Variants in ANO10 observed in about 807,000 individuals in gnomAD.
ANO10 encodes anoctamin 10, also known as anoctamin-10.
Under a neutral mutation model 74.7 loss-of-function variants are expected in ANO10, and 77 were observed. That is an observed-to-expected ratio of 1.03 (90% CI 0.86 to 1.25). The LOEUF is 1.25. ANO10 is among the 50% of genes most tolerant of loss of function. The pLI is 0.00. For synonymous variants in ANO10, 279 were observed against 284.9 expected, an observed-to-expected ratio of 0.98 and a Z score of 0.21; for missense variants, 721 against 778.1, an observed-to-expected ratio of 0.93 and a Z score of 0.87.
At chr3:43,548,278 G>A (rs2079292526) in intron 11 of ANO10, among the ~76,000 whole-genome samples, 1 of 152,122 alleles carries the variant, frequency 6.6e-6, no homozygotes, top group Non-Finnish European at 1.5e-5. Context: ...TCTAAATCAA[G>A]AAAGCACACT....
chr3:43,605,925 A>G, intron 1 of ANO10, 62 bp from the exon 2 acceptor site: 1 of 1,560,840 alleles, frequency 6.4e-7, no homozygotes, highest in Non-Finnish European at 8.7e-7. Flanking sequence ...GAAATATGCT[A>G]TAGACTTCAT....
intron 12 of ANO10, among the ~76,000 whole-genome samples, chr3:43,396,637 C>A (rs992682300): frequency 6.6e-6 from 1 of 151,770 alleles, no homozygotes; most frequent in East Asian, 1.9e-4. Flanking sequence ...GCACCCGGCC[C>A]ATGTTTGATA....
At position 43,497,937 on chromosome 3, in the gene ANO10, C is replaced by T. The variant is rs577858177; in HGVS notation, c.1797+51783G>A. 2.3e-4 allele frequency among the ~76,000 whole-genome samples: 35 copies of T among 152,220 alleles called. No individual in the cohort carries two copies. The South Asian group carries it at 6.6e-3, about 29-fold the overall frequency. ...GGACTTAAAAGACCTGAGAGTGGAACTCATGCATGTATCTTAATGGTGATG... is the reference window on the plus strand; with the variant it reads ...GGACTTAAAAGACCTGAGAGTGGAATTCATGCATGTATCTTAATGGTGATG... On this transcript the variant is annotated intron_variant, in intron 11 of 12. Transcript: ENST00000292246.
intron 11 of ANO10, among the ~76,000 whole-genome samples, chr3:43,537,611 CCACA>C (rs3223349): frequency 0.049 from 6,863 of 139,930 alleles, 192 homozygotes; most frequent in African/African-American, 0.086. Context: ...ACTTTATAAA[CCACA>C]CACACACACA....
chr3:43,594,591 C>A (rs1448408806), intron 4 of ANO10, among the ~76,000 whole-genome samples: 1 of 152,162 alleles, frequency 6.6e-6, no homozygotes, highest in Non-Finnish European at 1.5e-5. Context: ...ATACCAGAAT[C>A]TCTGGGACAC....
At chr3:43,587,135 G>C (rs1446280241) in intron 4 of ANO10, among the ~76,000 whole-genome samples, 1 of 152,036 alleles carries the variant, frequency 6.6e-6, no homozygotes, top group Non-Finnish European at 1.5e-5. Flanking sequence ...ATAACGTCAA[G>C]ACATATGCAG....
At chr3:43,684,416 A>C (rs941159942) in intron 1 of ANO10, among the ~76,000 whole-genome samples, 14 of 152,238 alleles carry the variant, frequency 9.2e-5, no homozygotes, top group African/African-American at 3.1e-4. Context: ...GCAATCATTA[A>C]AAAGTCAGGA....
intron 11 of ANO10, among the ~76,000 whole-genome samples, chr3:43,501,564 T>C (rs969621879): frequency 9.2e-5 from 14 of 151,412 alleles, no homozygotes; most frequent in African/African-American, 3.4e-4. Context: ...AGCTTCTTAG[T>C]AGAGAGGCAG....
chr3:43,665,526 T>A (rs182641627), intron 1 of ANO10, among the ~76,000 whole-genome samples: 14 of 152,004 alleles, frequency 9.2e-5, no homozygotes, highest in Admixed American at 5.2e-4. Flanking sequence ...ATATATAATT[T>A]AAAAAAAAGA....
intron 11 of ANO10, among the ~76,000 whole-genome samples, chr3:43,517,043 A>G (rs906532307): frequency 3.3e-5 from 5 of 152,182 alleles, no homozygotes; most frequent in Admixed American, 6.5e-5. Flanking sequence ...GAGCTATGCT[A>G]TAAGAACAGC....
chr3:43,369,335 G>A (rs1176781899), intron 12 of ANO10, among the ~76,000 whole-genome samples: 2 of 152,258 alleles, frequency 1.3e-5, no homozygotes, highest in Non-Finnish European at 2.9e-5. Context: ...TGTCCACGAG[G>A]TCACAAGGTC....
At chr3:43,613,571 T>G (rs970545713) in intron 1 of ANO10, among the ~76,000 whole-genome samples, 1 of 152,210 alleles carries the variant, frequency 6.6e-6, no homozygotes, top group African/African-American at 2.4e-5. Context: ...CAGAGGATTT[T>G]GTGTCAGAGT....
At chr3:43,484,991 C>G (rs1018393423) in intron 11 of ANO10, 2 of 1,443,920 alleles carry the variant, frequency 1.4e-6, no homozygotes, top group African/African-American at 2.8e-5. Flanking sequence ...GGTGTTGGGC[C>G]TCTTGGTGGT....
At chr3:43,393,787 C>A (rs2092323750) in intron 12 of ANO10, among the ~76,000 whole-genome samples, 1 of 152,088 alleles carries the variant, frequency 6.6e-6, no homozygotes, top group Non-Finnish European at 1.5e-5. Flanking sequence ...CTCCTGTTAC[C>A]TACACCATGA....
In ANO10 at chr3:43,611,855, T is replaced by C. The variant is rs574265308; in HGVS notation, c.-11-5992A>G. On this transcript the variant is annotated intron_variant, in intron 1 of 12. Transcript: ENST00000292246. ...GATAGTAAAATAAGTAGCCATAGGGTAGAGGTAGTCTACCTAGTGTGTCAA... is the reference window on the plus strand; with the variant it reads ...GATAGTAAAATAAGTAGCCATAGGGCAGAGGTAGTCTACCTAGTGTGTCAA... 1.7e-3 allele frequency among the ~76,000 whole-genome samples: 261 copies of C among 152,148 alleles called. 2 individuals carry two copies. Among genetic ancestry groups the C allele is most frequent in the Non-Finnish European group, 3.2e-4 (22 of 67,978 alleles).
intron 11 of ANO10, among the ~76,000 whole-genome samples, chr3:43,508,107 T>C (rs2077364914): frequency 6.6e-6 from 1 of 152,056 alleles, no homozygotes; most frequent in Non-Finnish European, 1.5e-5. Flanking sequence ...AAAAAAAGAA[T>C]AAAAATAATT....
intron 4 of ANO10, among the ~76,000 whole-genome samples, chr3:43,596,367 A>G (rs1296187482): frequency 6.6e-6 from 1 of 152,210 alleles, no homozygotes; most frequent in Admixed American, 6.5e-5. Flanking sequence ...AAACTATACT[A>G]CAAAGCTACA....
chr3:43,598,470 A>T, intron 4 of ANO10, 62 bp downstream of exon 4: 1 of 1,517,984 alleles, frequency 6.6e-7, no homozygotes, highest in Non-Finnish European at 9.1e-7. Context: ...GAGGGAAAAA[A>T]GGCATCTATA....
chr3:43,515,327 T>C (rs901194434), intron 11 of ANO10, among the ~76,000 whole-genome samples: 1 of 152,176 alleles, frequency 6.6e-6, no homozygotes, highest in Non-Finnish European at 1.5e-5. Flanking sequence ...AAGGCCTGAA[T>C]AGAATAAAAG....
Sources: allele counts gnomAD v4.1 joint callset (sites outside exome capture counted in the v4.1 genomes callset), GRCh38; gene constraint gnomAD v4.1.1; transcripts MANE v1.5; gene names NCBI Gene and HGNC (gene_info 2026-07-23, HGNC 2026-07-21).